The following RNASEH2B variants were observed in gnomAD, a reference collection of about 807,000 sequenced individuals.
The protein encoded by RNASEH2B is ribonuclease H2 subunit B, also known as Aicardi-Goutieres syndrome 2 protein.
A neutral mutation model predicts 45.0 loss-of-function variants in RNASEH2B; 36 were observed. The observed-to-expected ratio is 0.80, with a 90% CI of 0.61 to 1.06. The LOEUF (loss-of-function observed/expected upper bound fraction) is 1.06, where lower values mean the gene tolerates loss of function less well. Among genes scored for constraint, RNASEH2B ranks in the 50% least tolerant of loss-of-function variants. The probability of loss-of-function intolerance (pLI) is 0.00; values close to 1 mark genes in which losing one functional copy is unlikely to be tolerated. For synonymous variants in RNASEH2B, 119 were observed against 125.7 expected, an observed-to-expected ratio of 0.95 and a Z score of 0.35; for missense variants, 361 against 360.3, an observed-to-expected ratio of 1.00 and a Z score of -0.02.
chr13:50,911,825 T>G (rs1344466552), intron 1 of RNASEH2B: 1 of 152,212 alleles, frequency 6.6e-6, no homozygotes, highest in Admixed American at 6.5e-5. Flanking sequence ...CAGAATCAAG[T>G]GCATTATTGT....
At chr13:50,958,358 C>CA (rs1317301169), downstream of RNASEH2B, among the ~76,000 whole-genome samples, 6 of 152,134 alleles carry the variant, frequency 3.9e-5, no homozygotes, top group Non-Finnish European at 7.4e-5. Context: ...GTCCTTTCCC[C>CA]ATTGCTTATT....
At chr13:50,938,203 T>C (rs181851316) in intron 5 of RNASEH2B, 1 of 152,260 alleles carries the variant, frequency 6.6e-6, no homozygotes, top group African/African-American at 2.4e-5. Context: ...TAGTGCTAAA[T>C]GTAACACAAT....
At chr13:50,924,495 CAG>C (rs1951565731) in intron 1 of RNASEH2B, among the ~76,000 whole-genome samples, 1 of 152,150 alleles carries the variant, frequency 6.6e-6, no homozygotes, top group South Asian at 2.1e-4. Context: ...CACCCAATGA[CAG>C]AGCCCCAAAT....
intron 5 of RNASEH2B, chr13:50,937,457 G>T (rs1272957242): frequency 6.6e-6 from 1 of 151,936 alleles, no homozygotes; most frequent in East Asian, 1.9e-4. Flanking sequence ...GAACTCCTGG[G>T]CTCAAGGGAA....
At chr13:50,958,887 G>T (rs1952082029), downstream of RNASEH2B, among the ~76,000 whole-genome samples, 1 of 151,964 alleles carries the variant, frequency 6.6e-6, no homozygotes, top group Non-Finnish European at 1.5e-5. Flanking sequence ...GGGCTTATTG[G>T]ATTTTCAAAT....
At chr13:50,927,613 A>G in intron 2 of RNASEH2B, 135 bp downstream of exon 2, 1 of 684,916 alleles carries the variant, frequency 1.5e-6, no homozygotes, top group Non-Finnish European at 2.7e-6. Flanking sequence ...GAAGAAAACA[A>G]GGTGATGACA....
At chr13:50,912,896 A>G (rs1190443491) in intron 1 of RNASEH2B, 7 of 152,188 alleles carry the variant, frequency 4.6e-5, no homozygotes, top group Non-Finnish European at 8.8e-5. Context: ...CTTTTTTCCA[A>G]CATTTAATTC....
At chr13:50,937,727 GA>G (rs1430877915) in intron 5 of RNASEH2B, 7 of 152,064 alleles carry the variant, frequency 4.6e-5, no homozygotes, top group Admixed American at 4.6e-4. Context: ...TATCTCAAAA[GA>G]CACAGAAAAG....
intron 6 of RNASEH2B, among the ~76,000 whole-genome samples, 164 bp from the exon 7 acceptor site, chr13:50,945,263 A>C (rs1951885531): frequency 6.6e-6 from 1 of 152,198 alleles, no homozygotes. Flanking sequence ...CTTTCTTCAA[A>C]TGGGCAACCA....
intron 9 of RNASEH2B, among the ~76,000 whole-genome samples, chr13:50,965,490 G>A (rs1170597763): frequency 6.6e-6 from 1 of 152,230 alleles, no homozygotes; most frequent in Non-Finnish European, 1.5e-5. Context: ...ACAGATGTTT[G>A]TTGCATGAGA....
Position 50,909,796 on chromosome 13 carries a change from C to G in RNASEH2B, c.-281C>G. The G allele has an allele frequency of 5.6e-6, 2 of 354,690 alleles. No homozygotes were observed. Among genetic ancestry groups the G allele is most frequent in the Non-Finnish European group, 1.0e-5 (2 of 194,862 alleles). 22.0% of individuals were successfully genotyped at this position (354,690 alleles called of 1,614,324 possible). A position where few individuals can be genotyped will look rare whatever the true frequency, so the allele number is the denominator to read the frequency against. ...GCGCGCGATGAGCACCTACCACTAGCGGAGCCGCGAGGGAGAGGCCGCGGC... is the reference window on the plus strand; with the variant it reads ...GCGCGCGATGAGCACCTACCACTAGGGGAGCCGCGAGGGAGAGGCCGCGGC... On this transcript the variant is annotated 5_prime_UTR_variant, in exon 1 of 11. Coordinates refer to ENST00000336617, the MANE Select transcript of RNASEH2B (RefSeq NM_024570.4).
chr13:50,932,183 T>C (rs994968067), intron 4 of RNASEH2B, among the ~76,000 whole-genome samples: 1 of 152,198 alleles, frequency 6.6e-6, no homozygotes, highest in Admixed American at 6.5e-5. Flanking sequence ...TACCGGGGTC[T>C]GAATCACCGT....
intron 9 of RNASEH2B, chr13:50,953,522 CT>C: frequency 4.3e-6 from 1 of 234,376 alleles, no homozygotes; most frequent in Non-Finnish European, 8.4e-6. Context: ...GGGATTCTGG[CT>C]GGACACCTGG....
chr13:50,935,079 A>T, intron 5 of RNASEH2B, 80 bp downstream of exon 5: 2 of 849,916 alleles, frequency 2.4e-6, no homozygotes, highest in Non-Finnish European at 4.0e-6. Context: ...AGACACACTG[A>T]ATGTAAGGCT....
intron 9 of RNASEH2B, chr13:50,969,781 G>C: frequency 4.3e-6 from 3 of 695,674 alleles, no homozygotes; most frequent in South Asian, 3.8e-5. Flanking sequence ...TGTGTCTGAG[G>C]TCATCTCTTA....
At chr13:50,931,630 T>A (rs1291105483) in intron 4 of RNASEH2B, among the ~76,000 whole-genome samples, 1 of 152,202 alleles carries the variant, frequency 6.6e-6, no homozygotes, top group Non-Finnish European at 1.5e-5. Context: ...GGTAGGATTA[T>A]ATGAAAAATA....
chr13:50,960,352 A>C (rs1042586215), downstream of RNASEH2B, among the ~76,000 whole-genome samples: 3 of 152,090 alleles, frequency 2.0e-5, no homozygotes, highest in African/African-American at 7.2e-5. Flanking sequence ...TATATTTTAC[A>C]TTATATTACA....
intron 5 of RNASEH2B, among the ~76,000 whole-genome samples, chr13:50,940,579 C>T (rs1261481669): frequency 6.6e-6 from 1 of 152,048 alleles, no homozygotes; most frequent in African/African-American, 2.4e-5. Context: ...GAGGCAAGGC[C>T]AGTGTGAGCA....
intron 5 of RNASEH2B, among the ~76,000 whole-genome samples, chr13:50,940,280 G>T (rs1354037861): frequency 6.6e-6 from 1 of 152,106 alleles, no homozygotes; most frequent in Non-Finnish European, 1.5e-5. Flanking sequence ...ACTACATAAG[G>T]GTTCCAGGGA....
Sources: allele counts gnomAD v4.1 joint callset (sites outside exome capture counted in the v4.1 genomes callset), GRCh38; gene constraint gnomAD v4.1.1; transcripts MANE v1.5; gene names NCBI Gene and HGNC (gene_info 2026-07-23, HGNC 2026-07-21).